Variants in SYNJ2BP observed in about 807,000 individuals in gnomAD.
SYNJ2BP encodes the protein synaptojanin-2-binding protein.
SYNJ2BP carries 10 observed loss-of-function variants against 16.9 expected under a neutral mutation model. The ratio of observed to expected loss-of-function variants is 0.59; its 90% CI spans 0.36 to 1.00. The LOEUF is 1.00. Among genes scored for constraint, SYNJ2BP ranks in the 50% least tolerant of loss-of-function variants. SYNJ2BP has a pLI of 0.01. For missense variants in SYNJ2BP, 162 were observed against 186.7 expected, an observed-to-expected ratio of 0.87 and a Z score of 0.77; for synonymous variants, 54 against 68.4, an observed-to-expected ratio of 0.79 and a Z score of 1.04.
At chr14:70,377,913 A>G (rs1254628498) in intron 2 of SYNJ2BP, among the ~76,000 whole-genome samples, 1 of 152,056 alleles carries the variant, frequency 6.6e-6, no homozygotes. Flanking sequence ...TGCATGCACT[A>G]CCTCTATTTC....
intron 1 of SYNJ2BP, among the ~76,000 whole-genome samples, chr14:70,401,039 T>C (rs1203295349): frequency 2.0e-5 from 3 of 152,204 alleles, no homozygotes; most frequent in Non-Finnish European, 4.4e-5. Flanking sequence ...ATGACTTATA[T>C]ATAACACTTA....
In SYNJ2BP at chr14:70,388,454, C is replaced by G; in HGVS notation, c.201+16G>C. ...GGGAGCAAAGGACAGTGAAGGAGGCCGAAGCCCATTCTCACCGAAAGGATC... is the reference window on the plus strand; with the variant it reads ...GGGAGCAAAGGACAGTGAAGGAGGCGGAAGCCCATTCTCACCGAAAGGATC... On this transcript the variant is annotated intron_variant, in intron 2 of 3. Coordinates refer to ENST00000256366, the MANE Select transcript of SYNJ2BP (RefSeq NM_018373.3). 1 of 1,535,970 alleles carries G rather than the reference C, an allele frequency of 6.5e-7. No individual in the cohort carries two copies. The highest frequency in any genetic ancestry group is 8.7e-7 in the Non-Finnish European group (1 of 1,143,042).
In SYNJ2BP at chr14:70,388,503, A is replaced by T. The variant is rs759665147; in HGVS notation, c.168T>A (p.Asp56Glu). The change falls in exon 2 of 4, where the codon GAT becomes GAA. Residue 56 changes from aspartate to glutamate, a missense_variant. Coordinates refer to ENST00000256366, the MANE Select transcript of SYNJ2BP (RefSeq NM_018373.3). Reference sequence around the variant, plus strand: ...TCTTATCACCCTCCTGGAGCCGCCCATCCAGGGCCGCAGCCCCATTTTCTT... The same window carrying T: ...TCTTATCACCCTCCTGGAGCCGCCCTTCCAGGGCCGCAGCCCCATTTTCTT... ...RIKENGAAAL[D>E]GRLQEGDKIL... 1.3e-6 allele frequency: 2 copies of T among 1,594,552 alleles called. No homozygotes were observed. Among genetic ancestry groups the T allele is most frequent in the Non-Finnish European group, 1.7e-6 (2 of 1,171,208 alleles).
At position 70,368,042 on chromosome 14, in the gene SYNJ2BP, T is replaced by C. The variant is rs1887432631; in HGVS notation, c.*4949A>G. The C allele has an allele frequency of 1.3e-5, 2 of 152,306 alleles. No homozygotes were observed. The highest frequency in any genetic ancestry group is 4.2e-4 in the South Asian group (2 of 4,818). 9.4% of individuals were successfully genotyped at this position (152,306 alleles called of 1,614,324 possible). A position where few individuals can be genotyped will look rare whatever the true frequency, so the allele number is the denominator to read the frequency against. ...GTATGGGCTCCACATGAAAACTACA[T>C]GAACTTCACTTCCCCACATACCTGA... On this transcript the variant is annotated 3_prime_UTR_variant, in exon 4 of 4. Transcript: ENST00000256366.
chr14:70,373,133 T>G lies in SYNJ2BP; in HGVS notation c.298-2A>C, dbSNP rs970686971. On this transcript the variant is annotated splice_acceptor_variant, in intron 3 of 3. Transcript: ENST00000256366. LOFTEE classifies it high-confidence loss of function. ...TATAGGTCCATTCTGCACCTGTAAC[T>G]GGAAGGGAAAGAAAAATGTTAACTC... 3.1e-6 allele frequency: 5 copies of G among 1,613,310 alleles called. No homozygotes were observed. The highest frequency in any genetic ancestry group is 4.2e-6 in the Non-Finnish European group (5 of 1,179,772).
intron 3 of SYNJ2BP, among the ~76,000 whole-genome samples, chr14:70,374,198 G>C (rs955421416): frequency 6.6e-6 from 1 of 152,182 alleles, no homozygotes; most frequent in African/African-American, 2.4e-5. Flanking sequence ...ATTGAAGTGT[G>C]TCCCTATATT....
At position 70,368,716 on chromosome 14, in the gene SYNJ2BP, TTTTGC is replaced by T. The variant is rs1887450352; in HGVS notation, c.*4270_*4274del. On this transcript the variant is annotated 3_prime_UTR_variant, in exon 4 of 4. Transcript: ENST00000256366. The stretch of plus-strand genomic sequence containing the variant: ...TTTGTTGTTGTTGTTGTTGTTGTTG[TTTTGC>T]CTGAAGCAATGTATGTAATTTAATA... 6.8e-6 allele frequency: 1 copy of T among 147,792 alleles called. No individual in the cohort carries two copies. Among genetic ancestry groups the T allele is most frequent in the Non-Finnish European group, 1.5e-5 (1 of 66,276 alleles). The allele number at this position is 147,792 out of a possible 1,614,324, so 9.2% of individuals were successfully genotyped here. A position where few individuals can be genotyped will look rare whatever the true frequency, so the allele number is the denominator to read the frequency against.
At chr14:70,406,400 G>C (rs1160634166) in intron 1 of SYNJ2BP, among the ~76,000 whole-genome samples, 1 of 152,164 alleles carries the variant, frequency 6.6e-6, no homozygotes, top group Non-Finnish European at 1.5e-5. Context: ...AACTTTGGGA[G>C]GAACTTAGCT....
Position 70,372,585 on chromosome 14 carries a change from A to C in SYNJ2BP, c.*406T>G, listed in dbSNP as rs1266092639. 5 of 163,594 alleles carry C rather than the reference A, an allele frequency of 3.1e-5. No individual in the cohort carries two copies. Among genetic ancestry groups the C allele is most frequent in the African/African-American group, 1.2e-4 (5 of 41,646 alleles). 10.1% of individuals were successfully genotyped at this position (163,594 alleles called of 1,614,324 possible). Reference sequence around the variant, plus strand: ...TAGAAATTAAATAAAGGCCACAATAATTTCCCAAGGAAGATCATTAAAAAG... The same window carrying C: ...TAGAAATTAAATAAAGGCCACAATACTTTCCCAAGGAAGATCATTAAAAAG... On this transcript the variant is annotated 3_prime_UTR_variant, in exon 4 of 4. Transcript: ENST00000256366.
chr14:70,403,737 T>G (rs1888289261), intron 1 of SYNJ2BP, among the ~76,000 whole-genome samples: 1 of 152,232 alleles, frequency 6.6e-6, no homozygotes, highest in Admixed American at 6.5e-5. Flanking sequence ...CTGCTCTGCC[T>G]ATGGATTAGA....
At chr14:70,375,219 T>G (rs536807276) in intron 3 of SYNJ2BP, among the ~76,000 whole-genome samples, 2,375 of 149,456 alleles carry the variant, frequency 0.016, 53 homozygotes, top group African/African-American at 0.054. Context: ...TTTTTTTTTT[T>G]GAGACAGGGT....
chr14:70,416,902 G>A lies in SYNJ2BP; in HGVS notation c.62C>T (p.Ser21Leu). The change falls in exon 1 of 4, where the codon TCA (serine) becomes TTA (leucine). Residue 21 changes from serine to leucine, a missense_variant and splice_region_variant. By Grantham distance (145) the Ser-to-Leu change is moderately radical. Transcript: ENST00000256366. ...EEEINLTRGP[S>L]GLGFNIVGGT... is the part of the protein sequence containing the mutation. ...GATATGACCCTTTCCGCACATACCT[G>A]AGGGCCCTCTGGTAAGATTGATCTC... 2 of 1,614,072 alleles carry A rather than the reference G, an allele frequency of 1.2e-6. No homozygotes were observed. Among genetic ancestry groups the A allele is most frequent in the Non-Finnish European group, 1.7e-6 (2 of 1,180,018 alleles).
At chr14:70,401,365 G>T (rs1464291699) in intron 1 of SYNJ2BP, among the ~76,000 whole-genome samples, 1 of 152,144 alleles carries the variant, frequency 6.6e-6, no homozygotes, top group African/African-American at 2.4e-5. Flanking sequence ...GGAGGCCAAG[G>T]AGAGAGGATC....
chr14:70,408,436 C>T (rs1478039652), intron 1 of SYNJ2BP, among the ~76,000 whole-genome samples: 1 of 152,014 alleles, frequency 6.6e-6, no homozygotes, highest in Non-Finnish European at 1.5e-5. Context: ...TTTGGGAGGC[C>T]GAGATGGGTG....
At chr14:70,396,334 G>C (rs965028068) in intron 1 of SYNJ2BP, among the ~76,000 whole-genome samples, 2 of 152,078 alleles carry the variant, frequency 1.3e-5, no homozygotes, top group Non-Finnish European at 2.9e-5. Flanking sequence ...AGCCAGGATG[G>C]TCTCCATCTC....
chr14:70,414,542 A>T (rs1888561053), intron 1 of SYNJ2BP, among the ~76,000 whole-genome samples: 1 of 152,252 alleles, frequency 6.6e-6, no homozygotes, highest in Admixed American at 6.5e-5. Context: ...AATTTTAAAA[A>T]GATTTCATCT....
chr14:70,402,254 TG>T, intron 1 of SYNJ2BP, among the ~76,000 whole-genome samples: 1 of 152,228 alleles, frequency 6.6e-6, no homozygotes, highest in South Asian at 2.1e-4. Context: ...GGTAAGTCAC[TG>T]ACAAGAGCTA....
intron 2 of SYNJ2BP, among the ~76,000 whole-genome samples, chr14:70,377,282 G>C (rs565075034): frequency 6.6e-6 from 1 of 152,178 alleles, no homozygotes; most frequent in East Asian, 1.9e-4. Context: ...TTGTCCCCAA[G>C]ATCTTCTGCC....
rs933799079 is a variant in SYNJ2BP, at chr14:70,370,557, G to A, written c.*2434C>T. 3.9e-5 allele frequency: 6 copies of A among 152,238 alleles called. No individual in the cohort carries two copies. The highest frequency in any genetic ancestry group is 1.9e-4 in the East Asian group (1 of 5,176). 9.4% of individuals were successfully genotyped at this position (152,238 alleles called of 1,614,324 possible). The stretch of plus-strand genomic sequence containing the variant: ...AGTGACCCAGAGGCAAGGTCTTACC[G>A]GACCTCTTATTTTCAAAAGCCTTCC... On this transcript the variant is annotated 3_prime_UTR_variant, in exon 4 of 4. Coordinates refer to ENST00000256366, the MANE Select transcript of SYNJ2BP (RefSeq NM_018373.3).
Sources: gnomAD v4.1 joint callset for allele counts (sites outside exome capture counted in the v4.1 genomes callset) on GRCh38, gnomAD v4.1.1 for gene constraint, MANE v1.5 for transcripts, NCBI Gene and HGNC (gene_info 2026-07-23, HGNC 2026-07-21) for gene names.